PDZD8: variants seen among roughly 807,000 people sequenced by gnomAD.
The protein encoded by PDZD8 is PDZ domain containing 8, also known as PDZ domain-containing protein 8.
In PDZD8, 14 loss-of-function variants were observed where a neutral mutation model predicts 85.8. The observed-to-expected ratio is 0.16, with a 90% CI of 0.11 to 0.26. The LOEUF (loss-of-function observed/expected upper bound fraction) is 0.26, where lower values mean the gene tolerates loss of function less well. PDZD8 is among the 10% of genes least tolerant of loss of function. PDZD8 has a pLI of 1.00. For synonymous variants in PDZD8, 592 were observed against 568.6 expected, an observed-to-expected ratio of 1.04 and a Z score of -0.59; for missense variants, 1,197 against 1,424.3, an observed-to-expected ratio of 0.84 and a Z score of 2.57.
At chr10:117,308,829 T>C (rs969040747) in intron 3 of PDZD8, among the ~76,000 whole-genome samples, 1 of 152,164 alleles carries the variant, frequency 6.6e-6, no homozygotes, top group Non-Finnish European at 1.5e-5. Context: ...ATTATTATGG[T>C]ATTGTTAAAT....
chr10:117,349,763 A>G (rs1020053747), intron 1 of PDZD8, among the ~76,000 whole-genome samples: 2 of 152,172 alleles, frequency 1.3e-5, no homozygotes, highest in African/African-American at 4.8e-5. Context: ...AGATCACAAC[A>G]CCGCACTTCA....
At chr10:117,336,572 C>G (rs892378703) in intron 2 of PDZD8, among the ~76,000 whole-genome samples, 1 of 150,916 alleles carries the variant, frequency 6.6e-6, no homozygotes, top group Non-Finnish European at 1.5e-5. Flanking sequence ...GTTCTGGGAC[C>G]GTGGCAGAGA....
At chr10:117,295,115 C>G (rs1843732972) in intron 3 of PDZD8, among the ~76,000 whole-genome samples, 1 of 151,966 alleles carries the variant, frequency 6.6e-6, no homozygotes, top group Admixed American at 6.6e-5. Context: ...CACTACAGTC[C>G]AGCCTGGGCA....
chr10:117,339,049 AT>A (rs560555208), intron 2 of PDZD8, among the ~76,000 whole-genome samples: 10 of 150,124 alleles, frequency 6.7e-5, no homozygotes, highest in African/African-American at 2.5e-4. Context: ...TCTTTTTTTG[AT>A]TTAAAAAAAA....
At position 117,374,847 on chromosome 10, in the gene PDZD8, G is replaced by T. The variant is rs965826873; in HGVS notation, c.381C>A (p.Phe127Leu). Residue 127 changes from phenylalanine to leucine, a missense_variant, in exon 1 of 5, where the codon TTC becomes TTA. Physicochemically the swap from Phe to Leu is conservative, Grantham distance 22. Around this residue, in one of 4 missense-constraint regions of PDZD8, gnomAD observed 344 missense variants for 453.6 expected, o/e 0.76. Coordinates refer to ENST00000334464, the MANE Select transcript of PDZD8 (RefSeq NM_173791.5). This position sits in a 1 kb window ranked among gnomAD's most constrained non-coding sequence, Gnocchi z 7.8. ...CCGTCTTGGTCTGCAGCAGCTCCTCGAACTCCACCTTGATCTTCTTGGTGA... is the reference window on the plus strand; with the variant it reads ...CCGTCTTGGTCTGCAGCAGCTCCTCTAACTCCACCTTGATCTTCTTGGTGA... Reference protein sequence around the residue: ...RWVTKKIKVEFEELLQTKTAG... With the variant: ...RWVTKKIKVELEELLQTKTAG... 11 of 1,613,476 alleles carry T rather than the reference G, an allele frequency of 6.8e-6. No homozygotes were observed. The highest frequency in any genetic ancestry group is 9.3e-6 in the Non-Finnish European group (11 of 1,179,922).
intron 1 of PDZD8, among the ~76,000 whole-genome samples, chr10:117,341,557 T>A (rs528843978): frequency 6.6e-6 from 1 of 152,136 alleles, no homozygotes; most frequent in African/African-American, 2.4e-5. Context: ...GTCTCTAATA[T>A]AAAATGGCCC....
At chr10:117,305,410 C>G (rs149897210) in intron 3 of PDZD8, among the ~76,000 whole-genome samples, 2 of 151,626 alleles carry the variant, frequency 1.3e-5, no homozygotes, top group African/African-American at 4.8e-5. Context: ...AAGACTCTGT[C>G]TCAAAAACAA....
Position 117,374,715 on chromosome 10 carries a change from G to A in PDZD8, c.513C>T (p.Thr171=). ...RLVRPVVPSA[T]GEPDGPEGEA... ...CCCCTTCAGGGCCATCGGGCTCCCC[G>A]GTGGCCGAGGGCACGACTGGCCGCA... is the stretch of plus-strand genomic sequence containing the variant. Residue 171 remains threonine, a synonymous_variant, in exon 1 of 5, where the codon ACC becomes ACT. Transcript: ENST00000334464. This position sits in a 1 kb window ranked among gnomAD's most constrained non-coding sequence, Gnocchi z 7.8. 4 of 1,607,930 alleles carry A rather than the reference G, an allele frequency of 2.5e-6. No individual in the cohort carries two copies. The highest frequency in any genetic ancestry group is 2.5e-6 in the Non-Finnish European group (3 of 1,177,884).
intron 2 of PDZD8, among the ~76,000 whole-genome samples, chr10:117,326,951 G>GATTGCTTTGGTTC (rs1243302392): frequency 1.3e-5 from 2 of 152,154 alleles, no homozygotes; most frequent in East Asian, 3.8e-4. Context: ...TATCTGATTT[G>GATTGCTTTGGTTC]ATTGCTTTGG....
intron 2 of PDZD8, among the ~76,000 whole-genome samples, chr10:117,330,006 G>A (rs1227653500): frequency 4.4e-5 from 3 of 67,932 alleles, no homozygotes; most frequent in Non-Finnish European, 6.0e-5. Context: ...GGAAGGGAGG[G>A]AGGGAGGGAG....
rs1391464469 is a variant in PDZD8, at chr10:117,283,751, T to G, written c.2982A>C (p.Gly994=). The change falls in exon 5 of 5, where the codon GGA becomes GGC. Residue 994 remains glycine (G), a synonymous_variant. Transcript: ENST00000334464. ...TCACTAACTTTATTCCTGTGCTGTT[T>G]CCCCGTTTAGAAGGACTGTTTGGAC... The part of the protein sequence containing the change: ...VCGPNSPSKR[G]NSTGIKLVRK... 1 of 1,614,074 alleles carries G rather than the reference T, an allele frequency of 6.2e-7. No homozygotes were observed. The highest frequency in any genetic ancestry group is 2.2e-5 in the East Asian group (1 of 44,892).
Position 117,290,323 on chromosome 10 carries a change from T to C in PDZD8, c.1124A>G (p.Gln375Arg), listed in dbSNP as rs146163874. The C allele has an allele frequency of 1.3e-6, 2 of 1,599,394 alleles. No individual in the cohort carries two copies. The highest frequency in any genetic ancestry group is 1.8e-5 in the Admixed American group (1 of 56,216). Residue 375 changes from glutamine to arginine, a missense_variant, in exon 4 of 5, where the codon CAA becomes CGA. Coordinates refer to ENST00000334464, the MANE Select transcript of PDZD8 (RefSeq NM_173791.5). ...KTVELIKGNL[Q>R]SVGLTLRLVQ... ...AAGACGAAGTGTAAGTCCAACACTT[T>C]GTAAATTTCCTTTTATTAATTCAAC...
chr10:117,285,575 G>C, intron 4 of PDZD8, 104 bp from the exon 5 acceptor site: 1 of 1,160,694 alleles, frequency 8.6e-7, no homozygotes, highest in Non-Finnish European at 1.1e-6. Flanking sequence ...CATTACCTCT[G>C]GTTATTTAAC....
chr10:117,305,507 C>T (rs542138533), intron 3 of PDZD8, among the ~76,000 whole-genome samples: 2 of 107,648 alleles, frequency 1.9e-5, no homozygotes, highest in South Asian at 6.2e-4. Flanking sequence ...CACACACACA[C>T]ACACACACAT....
intron 4 of PDZD8, among the ~76,000 whole-genome samples, chr10:117,288,755 G>A (rs1466227460): frequency 3.9e-5 from 6 of 152,232 alleles, no homozygotes; most frequent in Middle Eastern, 3.4e-3. Flanking sequence ...TGATCCACCC[G>A]CCTCGGCCTC....
chr10:117,325,451 G>A (rs1436017847), intron 2 of PDZD8, among the ~76,000 whole-genome samples: 2 of 118,048 alleles, frequency 1.7e-5, no homozygotes, highest in Non-Finnish European at 3.3e-5. Flanking sequence ...CACCCAAGCT[G>A]GAGTGCAGTG....
intron 3 of PDZD8, among the ~76,000 whole-genome samples, chr10:117,300,737 G>T (rs1324652881): frequency 6.6e-6 from 1 of 152,142 alleles, no homozygotes; most frequent in Non-Finnish European, 1.5e-5. Flanking sequence ...TGAGGGTGGA[G>T]CCCTCTTTTA....
chr10:117,355,601 C>G (rs1227744090), intron 1 of PDZD8, among the ~76,000 whole-genome samples: 2 of 152,156 alleles, frequency 1.3e-5, no homozygotes, highest in Non-Finnish European at 2.9e-5. Flanking sequence ...TGACCAAAAT[C>G]TGAGACTCGG....
At chr10:117,367,686 C>A (rs137878907) in intron 1 of PDZD8, among the ~76,000 whole-genome samples, 7,026 of 152,232 alleles carry the variant, frequency 0.046, 538 homozygotes, top group African/African-American at 0.16. Context: ...GTAATCCCAG[C>A]ACTTTGGGAG....
Sources: allele counts gnomAD v4.1 joint callset (sites outside exome capture counted in the v4.1 genomes callset), GRCh38; gene constraint gnomAD v4.1.1; regional missense constraint gnomAD v4.1.1; non-coding constraint Gnocchi (gnomAD v3.1); transcripts MANE v1.5; gene names NCBI Gene and HGNC (gene_info 2026-07-23, HGNC 2026-07-21).